Variants in CYB5R4 observed in about 807,000 individuals in gnomAD.
CYB5R4 encodes cytochrome b5 reductase 4.
In CYB5R4, 55 loss-of-function variants were observed where a neutral mutation model predicts 70.2. That is an observed-to-expected ratio of 0.78 (90% CI 0.63 to 0.98). CYB5R4 has a LOEUF of 0.98. Ranked by LOEUF, CYB5R4 falls within the 50% of genes least tolerant of loss-of-function variation. CYB5R4 has a pLI of 0.00. For synonymous variants in CYB5R4, 197 were observed against 199.5 expected (o/e 0.99, Z 0.11); for missense variants, 562 against 612.6 (o/e 0.92, Z 0.87).
At chr6:83,958,456 A>G (rs2099472794) in intron 15 of CYB5R4, among the ~76,000 whole-genome samples, 1 of 152,328 alleles carries the variant, frequency 6.6e-6, no homozygotes, top group South Asian at 2.1e-4. Context: ...AGTCATGTGC[A>G]CAGCATGTGG....
chr6:83,934,733 C>CTTG lies in CYB5R4; in HGVS notation c.953_954insTTG (p.Thr318_Gly319insTer), dbSNP rs761902667. On this transcript the variant is annotated stop_gained and inframe_insertion and splice_region_variant, in exon 11 of 16. Coordinates refer to ENST00000369681, the MANE Select transcript of CYB5R4 (RefSeq NM_016230.4). LOFTEE classifies it high-confidence loss of function. ...CATGTTTACCTCAAGCTACCTATTA[C>CTTG]AGGTAAGGTGAATAGAGGCTTTGGG... is the stretch of plus-strand genomic sequence containing the variant. The CTTG allele has an allele frequency of 1.2e-6, 2 of 1,611,368 alleles. No homozygotes were observed. Among genetic ancestry groups the CTTG allele is most frequent in the East Asian group, 4.5e-5 (2 of 44,816 alleles).
intron 2 of CYB5R4, among the ~76,000 whole-genome samples, chr6:83,865,668 A>G (rs192157260): frequency 6.6e-6 from 1 of 152,282 alleles, no homozygotes; most frequent in East Asian, 1.9e-4. Context: ...TGCATCTGTA[A>G]CAACCCTATA....
chr6:83,945,990 A>G (rs900924208), intron 14 of CYB5R4, among the ~76,000 whole-genome samples: 8 of 152,206 alleles, frequency 5.3e-5, no homozygotes, highest in African/African-American at 1.9e-4. Flanking sequence ...ATTCTACCAG[A>G]GATACAAAGA....
At chr6:83,909,144 T>C in intron 4 of CYB5R4, 54 bp downstream of exon 4, 3 of 1,484,854 alleles carry the variant, frequency 2.0e-6, no homozygotes, top group Non-Finnish European at 2.8e-6. Context: ...ATGTATTTTT[T>C]TTTAACTTGG....
chr6:83,874,440 A>G (rs2099458188), intron 2 of CYB5R4, among the ~76,000 whole-genome samples: 2 of 151,276 alleles, frequency 1.3e-5, no homozygotes, highest in African/African-American at 4.9e-5. Context: ...GGCCTCAAGC[A>G]ATCCTCCTGC....
intron 14 of CYB5R4, among the ~76,000 whole-genome samples, chr6:83,945,364 T>C (rs909246023): frequency 2.6e-5 from 4 of 152,168 alleles, no homozygotes; most frequent in Non-Finnish European, 5.9e-5. Flanking sequence ...ATAAGTTCTT[T>C]GAAACCAATG....
intron 2 of CYB5R4, among the ~76,000 whole-genome samples, chr6:83,878,916 T>A (rs1051722992): frequency 1.3e-5 from 2 of 152,098 alleles, no homozygotes; most frequent in Non-Finnish European, 2.9e-5. Context: ...TTTCCCCCAT[T>A]GTTCTTGTTC....
chr6:83,865,827 T>C (rs888004581), intron 2 of CYB5R4, among the ~76,000 whole-genome samples: 4 of 152,286 alleles, frequency 2.6e-5, no homozygotes, highest in African/African-American at 9.6e-5. Flanking sequence ...GGTGATGACG[T>C]AGTTTATATT....
At position 83,859,711 on chromosome 6, in the gene CYB5R4, C is replaced by G; in HGVS notation, c.-72C>G. On this transcript the variant is annotated 5_prime_UTR_variant, in exon 1 of 16. Coordinates refer to ENST00000369681, the MANE Select transcript of CYB5R4 (RefSeq NM_016230.4). The stretch of plus-strand genomic sequence containing the variant: ...CGGGGGCTTGGCCTCTGCCCGGCCA[C>G]AGAGCCGGAGCTGGAGGTGCTGTCC... 6.5e-7 allele frequency: 1 copy of G among 1,548,940 alleles called. No individual in the cohort carries two copies. The highest frequency in any genetic ancestry group is 8.8e-7 in the Non-Finnish European group (1 of 1,131,122).
intron 14 of CYB5R4, among the ~76,000 whole-genome samples, chr6:83,947,463 G>C (rs2099470793): frequency 6.6e-6 from 1 of 152,082 alleles, no homozygotes; most frequent in African/African-American, 2.4e-5. Context: ...AGAAAACTTA[G>C]GCAGTACCAT....
At chr6:83,906,337 G>GTACAA in intron 3 of CYB5R4, among the ~76,000 whole-genome samples, 1 of 152,278 alleles carries the variant, frequency 6.6e-6, no homozygotes, top group Admixed American at 6.5e-5. Flanking sequence ...CTGGGTTCTA[G>GTACAA]TACAGTGTGC....
chr6:83,886,199 T>C (rs1187229926), intron 2 of CYB5R4, among the ~76,000 whole-genome samples: 1 of 152,128 alleles, frequency 6.6e-6, no homozygotes, highest in Non-Finnish European at 1.5e-5. Flanking sequence ...CAGTTCTCTC[T>C]TCCTCTTTTC....
At chr6:83,923,396 T>C (rs996022296) in intron 9 of CYB5R4, among the ~76,000 whole-genome samples, 4 of 152,134 alleles carry the variant, frequency 2.6e-5, no homozygotes, top group Admixed American at 1.3e-4. Flanking sequence ...AAGACCATGG[T>C]TTTATTTTGG....
intron 1 of CYB5R4, among the ~76,000 whole-genome samples, chr6:83,861,626 A>T (rs2099455944): frequency 6.6e-6 from 1 of 152,194 alleles, no homozygotes; most frequent in South Asian, 2.1e-4. Flanking sequence ...AAATGGTCCC[A>T]GTCTGTGTGA....
intron 2 of CYB5R4, among the ~76,000 whole-genome samples, chr6:83,892,131 G>A (rs1049103137): frequency 1.3e-5 from 2 of 151,918 alleles, no homozygotes; most frequent in Admixed American, 6.6e-5. Flanking sequence ...GGCATATGGG[G>A]AAGGAAAAAA....
chr6:83,891,713 C>T (rs538063766), intron 2 of CYB5R4, among the ~76,000 whole-genome samples: 10 of 152,222 alleles, frequency 6.6e-5, no homozygotes, highest in African/African-American at 1.9e-4. Context: ...CTCACGTCCA[C>T]GGAGTGATCC....
intron 10 of CYB5R4, among the ~76,000 whole-genome samples, chr6:83,927,408 G>GC (rs1269998395): frequency 2.0e-5 from 3 of 152,108 alleles, no homozygotes; most frequent in Non-Finnish European, 2.9e-5. Flanking sequence ...CCACAAGACT[G>GC]CCCCCTACTT....
intron 10 of CYB5R4, among the ~76,000 whole-genome samples, chr6:83,929,144 C>T (rs2099467775): frequency 1.3e-5 from 2 of 152,198 alleles, no homozygotes; most frequent in African/African-American, 4.8e-5. Flanking sequence ...TTTTCTCCTC[C>T]TTAACTCATG....
At chr6:83,900,794 G>C (rs1423675017) in intron 3 of CYB5R4, among the ~76,000 whole-genome samples, 1 of 152,100 alleles carries the variant, frequency 6.6e-6, no homozygotes, top group Non-Finnish European at 1.5e-5. Context: ...TGCAACCCCT[G>C]CCTTTTTTTG....
Sources: allele counts gnomAD v4.1 joint callset (sites outside exome capture counted in the v4.1 genomes callset), GRCh38; gene constraint gnomAD v4.1.1; transcripts MANE v1.5; gene names NCBI Gene and HGNC (gene_info 2026-07-23, HGNC 2026-07-21).